The following GPC3 variants were observed in gnomAD, a reference collection of about 807,000 sequenced individuals.
GPC3 encodes glypican-3.
GPC3 carries 3 observed loss-of-function variants against 34.4 expected under a neutral mutation model. That is an observed-to-expected ratio of 0.09 (90% CI 0.04 to 0.23). The LOEUF is 0.23. Among genes scored for constraint, GPC3 ranks in the 10% least tolerant of loss-of-function variants. The probability of loss-of-function intolerance (pLI) is 1.00; values close to 1 mark genes in which losing one functional copy is unlikely to be tolerated. For missense variants in GPC3, 351 were observed against 445.6 expected, an observed-to-expected ratio of 0.79 and a Z score of 1.91; for synonymous variants, 177 against 174.0, an observed-to-expected ratio of 1.02 and a Z score of -0.13.
chrX:133,812,887 G>A (rs1308627076), intron 2 of GPC3, among the ~76,000 whole-genome samples: 1 of 112,076 alleles, frequency 8.9e-6, no homozygotes, highest in Non-Finnish European at 1.9e-5. Context: ...TCTGGGTCTA[G>A]GTAGATGTTG....
At chrX:133,713,327 A>G (rs60555328) in intron 3 of GPC3, among the ~76,000 whole-genome samples, 7,542 of 112,168 alleles carry the variant, frequency 0.067, 650 homozygotes, top group African/African-American at 0.23. Context: ...ACTTTATCAT[A>G]AGTCAGGGTA....
chrX:133,559,760 C>T (rs2069525955), intron 7 of GPC3, among the ~76,000 whole-genome samples: 1 of 111,911 alleles, frequency 8.9e-6, no homozygotes, highest in South Asian at 3.8e-4. Flanking sequence ...TTAACGTGCT[C>T]CTCAAGCGTA....
At chrX:133,717,418 G>C (rs1470805670) in intron 3 of GPC3, among the ~76,000 whole-genome samples, 1 of 111,236 alleles carries the variant, frequency 9.0e-6, no homozygotes, top group African/African-American at 3.3e-5. Context: ...AGACAGCCCG[G>C]TACCACACCC....
intron 2 of GPC3, among the ~76,000 whole-genome samples, chrX:133,779,570 A>G (rs954263158): frequency 8.9e-6 from 1 of 112,055 alleles, no homozygotes; most frequent in African/African-American, 3.2e-5. Context: ...ACTGTCTGGC[A>G]TATAATAAGC....
intron 2 of GPC3, among the ~76,000 whole-genome samples, chrX:133,820,882 A>T (rs1252460576): frequency 8.9e-6 from 1 of 111,967 alleles, no homozygotes; most frequent in Admixed American, 9.6e-5. Context: ...GGGAGATAGT[A>T]CAAGAGTGTG....
At chrX:133,718,078 C>G (rs890098408) in intron 3 of GPC3, among the ~76,000 whole-genome samples, 1 of 111,277 alleles carries the variant, frequency 9.0e-6, no homozygotes, top group African/African-American at 3.3e-5. Flanking sequence ...CAGAGTGAGA[C>G]CCTGTCTCTA....
chrX:133,908,193 C>T (rs1240491573), intron 2 of GPC3, among the ~76,000 whole-genome samples: 1 of 111,627 alleles, frequency 9.0e-6, no homozygotes, highest in East Asian at 2.8e-4. Context: ...CTTTTAGGAC[C>T]TCTTCTAAGT....
intron 7 of GPC3, among the ~76,000 whole-genome samples, chrX:133,538,269 G>A (rs1046487480): frequency 1.8e-5 from 2 of 112,279 alleles, no homozygotes; most frequent in South Asian, 7.4e-4. Context: ...GCTGTCAGTC[G>A]GCAAGGATAG....
intron 3 of GPC3, among the ~76,000 whole-genome samples, chrX:133,704,673 T>A (rs2071199204): frequency 9.1e-6 from 1 of 110,401 alleles, no homozygotes; most frequent in Admixed American, 9.8e-5. Context: ...CACCTCCACA[T>A]GACGGTCTTA....
intron 2 of GPC3, among the ~76,000 whole-genome samples, chrX:133,906,136 C>T (rs1333822027): frequency 4.5e-5 from 5 of 111,624 alleles, no homozygotes; most frequent in Non-Finnish European, 9.4e-5. Context: ...CACAACATCA[C>T]GGACAAAACT....
intron 1 of GPC3, among the ~76,000 whole-genome samples, chrX:133,973,109 C>T (rs766613725): frequency 1.8e-5 from 2 of 111,289 alleles, no homozygotes; most frequent in East Asian, 5.7e-4. Context: ...CAAGCAAAGA[C>T]TGAAGCGAGT....
At chrX:133,918,966 T>A (rs764720382) in intron 2 of GPC3, among the ~76,000 whole-genome samples, 17 of 111,858 alleles carry the variant, frequency 1.5e-4, no homozygotes, top group Non-Finnish European at 2.4e-4. Context: ...CAGCTCATTT[T>A]CTGACAGAGC....
intron 7 of GPC3, among the ~76,000 whole-genome samples, chrX:133,543,003 G>T (rs998166799): frequency 8.9e-6 from 1 of 112,068 alleles, no homozygotes; most frequent in Non-Finnish European, 1.9e-5. Flanking sequence ...AATGACCCTT[G>T]GGTCTCTGGG....
intron 3 of GPC3, among the ~76,000 whole-genome samples, chrX:133,753,274 G>A (rs1373531695): frequency 9.0e-6 from 1 of 111,330 alleles, no homozygotes; most frequent in Non-Finnish European, 1.9e-5. Context: ...TCCCAACATC[G>A]CACAGTAAGG....
chrX:133,553,401 A>G (rs780619570), intron 7 of GPC3, among the ~76,000 whole-genome samples: 1 of 112,155 alleles, frequency 8.9e-6, no homozygotes, highest in East Asian at 2.8e-4. Context: ...ACAGGTATAA[A>G]TTGAGGCTTT....
intron 7 of GPC3, among the ~76,000 whole-genome samples, chrX:133,586,425 CT>C (rs1311901689): frequency 9.0e-6 from 1 of 111,643 alleles, no homozygotes; most frequent in East Asian, 2.8e-4. Flanking sequence ...TTATGGTGAG[CT>C]TTGCTTCCTT....
intron 2 of GPC3, among the ~76,000 whole-genome samples, chrX:133,844,824 TA>T (rs2075840653): frequency 8.9e-6 from 1 of 111,765 alleles, no homozygotes; most frequent in South Asian, 3.8e-4. Flanking sequence ...TTCTGATTTT[TA>T]ATATTTGGTC....
Position 133,753,519 on chromosome X carries a change from T to C in GPC3, c.995A>G (p.Gln332Arg), listed in dbSNP as rs78696048. 1.2e-4 allele frequency: 145 copies of C among 1,208,817 alleles called. No individual in the cohort carries two copies. In the African/African-American group the frequency reaches 2.3e-3, roughly 19 times the overall value. ...CTTTCCTGCATTCTTCTGGACATAC[T>C]GGATAGAATCATGGATTGTTGAAAA... ...GLFSTIHDSI[Q>R]YVQKNAGKLT... Residue 332 changes from glutamine (Q) to arginine (R), a missense_variant, in exon 3 of 8, where the codon CAG becomes CGG. Physicochemically the swap from Gln to Arg is conservative, Grantham distance 43. Coordinates refer to ENST00000370818, the MANE Select transcript of GPC3 (RefSeq NM_004484.4).
intron 6 of GPC3, among the ~76,000 whole-genome samples, chrX:133,626,681 A>G (rs1304941472): frequency 1.9e-5 from 2 of 107,999 alleles, no homozygotes; most frequent in African/African-American, 6.8e-5. Flanking sequence ...GCTGGAGAGG[A>G]TGTGGACAAA....
Sources: allele counts gnomAD v4.1 joint callset (sites outside exome capture counted in the v4.1 genomes callset), GRCh38; gene constraint gnomAD v4.1.1; transcripts MANE v1.5; gene names NCBI Gene and HGNC (gene_info 2026-07-23, HGNC 2026-07-21).